LRPPRC: variants seen among roughly 807,000 people sequenced by gnomAD.
LRPPRC encodes the protein leucine-rich PPR motif-containing protein, mitochondrial.
In LRPPRC, 120 loss-of-function variants were observed where a neutral mutation model predicts 180.3. That is an observed-to-expected ratio of 0.67 (90% confidence interval 0.57 to 0.77). The LOEUF (loss-of-function observed/expected upper bound fraction) is 0.77, where lower values mean the gene tolerates loss of function less well. Among genes scored for constraint, LRPPRC ranks in the 30% least tolerant of loss-of-function variants. The pLI is 0.00. For missense variants in LRPPRC, 2,012 were observed against 1,657.2 expected (o/e 1.21, Z -3.72); for synonymous variants, 723 against 600.0 (o/e 1.21, Z -3.00).
Position 43,974,284 on chromosome 2 carries a change from G to C in LRPPRC, c.1021C>G (p.Leu341Val), listed in dbSNP as rs558058826. Residue 341 changes from leucine to valine, a missense_variant, in exon 9 of 38, where the codon CTC (leucine) becomes GTC (valine). Coordinates refer to ENST00000260665, the MANE Select transcript of LRPPRC (RefSeq NM_133259.4). Reference protein sequence around the residue: ...ERRYIPDAMNLILLLVTEKLE... With the variant: ...ERRYIPDAMNVILLLVTEKLE... ...TTTTCAGTGACTAAAAGTAAAATGA[G>C]GTTCATTGCATCTGGGAAGAAAACA... is the stretch of plus-strand genomic sequence containing the variant. 7.4e-6 allele frequency: 12 copies of C among 1,611,030 alleles called. No homozygotes were observed. The South Asian group carries it at 1.1e-4, about 15-fold the overall frequency.
chr2:43,990,734 T>C (rs1674737256), intron 1 of LRPPRC, among the ~76,000 whole-genome samples: 1 of 152,186 alleles, frequency 6.6e-6, no homozygotes, highest in South Asian at 2.1e-4. Flanking sequence ...GGACAGCACG[T>C]CTAATAGTTG....
chr2:43,959,126 T>A (rs1673234755), intron 13 of LRPPRC: 1 of 687,240 alleles, frequency 1.5e-6, no homozygotes, highest in Non-Finnish European at 2.7e-6. Flanking sequence ...ATGGATGATA[T>A]GATAAAAGGA....
intron 3 of LRPPRC, among the ~76,000 whole-genome samples, chr2:43,978,664 T>C (rs1290865642): frequency 3.3e-5 from 5 of 152,082 alleles, no homozygotes; most frequent in Admixed American, 2.6e-4. Context: ...TTTATCTATA[T>C]AGTTTTTAAC....
At chr2:43,896,530 T>TAA in intron 35 of LRPPRC, 104 bp downstream of exon 35, 1 of 741,886 alleles carries the variant, frequency 1.3e-6, no homozygotes, top group Non-Finnish European at 2.3e-6. Context: ...CTCTATAGTA[T>TAA]TCTCAAATAA....
rs373157752 is a variant in LRPPRC at position 43,976,165 on chromosome 2, C to A, written c.715G>T (p.Val239Leu). The A allele has an allele frequency of 3.1e-6, 5 of 1,609,640 alleles. No homozygotes were observed. The highest frequency in any genetic ancestry group is 1.3e-5 in the African/African-American group (1 of 74,852). The change falls in exon 6 of 38, where the codon GTG (valine) becomes TTG (leucine). Residue 239 changes from valine to leucine, a missense_variant. Coordinates refer to ENST00000260665, the MANE Select transcript of LRPPRC (RefSeq NM_133259.4). ...TACCCAGCTCTGGCATGCCCTGTCACAAGGGCACTGAATACTGCCTCTGTA... is the reference window on the plus strand; with the variant it reads ...TACCCAGCTCTGGCATGCCCTGTCAAAAGGGCACTGAATACTGCCTCTGTA... The part of the protein sequence containing the change: ...PVTEAVFSAL[V>L]TGHARAGDME...
chr2:43,936,381 A>T (rs920143006), intron 23 of LRPPRC, among the ~76,000 whole-genome samples: 11 of 152,250 alleles, frequency 7.2e-5, no homozygotes, highest in Admixed American at 2.6e-4. Flanking sequence ...AAAAGAGAGT[A>T]TGAAAGGTAT....
chr2:43,897,802 T>G (rs894132722), intron 34 of LRPPRC, among the ~76,000 whole-genome samples: 2 of 152,078 alleles, frequency 1.3e-5, no homozygotes, highest in Non-Finnish European at 2.9e-5. Context: ...AAAACCTTGA[T>G]TATGGCAGAG....
chr2:43,980,466 C>A (rs1012100502), intron 2 of LRPPRC, among the ~76,000 whole-genome samples: 31 of 150,214 alleles, frequency 2.1e-4, no homozygotes, highest in African/African-American at 7.6e-4. Flanking sequence ...GGCAGGAGAA[C>A]TGCTTGAACC....
intron 1 of LRPPRC, 76 bp from the exon 2 acceptor site, chr2:43,982,510 T>C: frequency 8.8e-7 from 1 of 1,130,484 alleles, no homozygotes; most frequent in Non-Finnish European, 1.3e-6. Context: ...CTTAAACAAA[T>C]TTTAAAATTA....
chr2:43,915,937 T>C (rs1348585827), intron 29 of LRPPRC, among the ~76,000 whole-genome samples: 18 of 152,066 alleles, frequency 1.2e-4, no homozygotes, highest in Non-Finnish European at 5.9e-5. Context: ...GGCTAATTTG[T>C]GTATTTTCTG....
At chr2:43,934,331 G>GAAA in intron 24 of LRPPRC, 35 bp from the exon 25 acceptor site, 1 of 982,784 alleles carries the variant, frequency 1.0e-6, no homozygotes. Flanking sequence ...TATATTAGGA[G>GAAA]AAAAAAAAAC....
chr2:43,911,519 T>A (rs1332572118), intron 30 of LRPPRC, among the ~76,000 whole-genome samples: 4 of 127,840 alleles, frequency 3.1e-5, no homozygotes, highest in Non-Finnish European at 6.4e-5. Flanking sequence ...TTCTTCTTCT[T>A]CTTCTTTTTT....
At chr2:43,904,707 C>CAAAAAAAAAAAAAA in intron 31 of LRPPRC, 1 of 81,026 alleles carries the variant, frequency 1.2e-5, no homozygotes. Context: ...AAAACAAAAA[C>CAAAAAAAAAAAAAA]AAAAAAAAAA....
intron 12 of LRPPRC, among the ~76,000 whole-genome samples, chr2:43,962,168 G>C (rs1182334330): frequency 6.6e-6 from 1 of 152,096 alleles, no homozygotes; most frequent in Non-Finnish European, 1.5e-5. Context: ...TAGTGAGAAA[G>C]CCAAAGCAGT....
chr2:43,933,664 T>G (rs1672169695), intron 25 of LRPPRC, among the ~76,000 whole-genome samples: 1 of 152,158 alleles, frequency 6.6e-6, no homozygotes, highest in Non-Finnish European at 1.5e-5. Flanking sequence ...AGGCCAGGTT[T>G]GTCACCTACC....
At position 43,932,941 on chromosome 2, in the gene LRPPRC, C is replaced by T. The variant is rs186619516; in HGVS notation, c.2736+1249G>A. Among the ~76,000 whole-genome samples, 295 of 152,280 alleles carry T rather than the reference C, an allele frequency of 1.9e-3. 2 individuals carry two copies. Among genetic ancestry groups the T allele is most frequent in the African/African-American group, 7.0e-3 (290 of 41,576 alleles). On this transcript the variant is annotated intron_variant, in intron 25 of 37. Coordinates refer to ENST00000260665, the MANE Select transcript of LRPPRC (RefSeq NM_133259.4). ...ACCTCTCAGAGCTGAGCTTCATTTC[C>T]GCTCTGATCAGTGACCTGCTAATAC...
intron 31 of LRPPRC, chr2:43,904,488 T>C (rs906795778): frequency 1.1e-4 from 16 of 148,618 alleles, no homozygotes; most frequent in African/African-American, 3.5e-4. Context: ...AGGCCAGGAG[T>C]TCGAGACCAG....
chr2:43,981,618 C>A (rs1419967540), intron 2 of LRPPRC, among the ~76,000 whole-genome samples: 1 of 151,868 alleles, frequency 6.6e-6, no homozygotes, highest in Non-Finnish European at 1.5e-5. Context: ...GATCGTACCA[C>A]TGCACTCCAG....
intron 30 of LRPPRC, 57 bp from the exon 31 acceptor site, chr2:43,905,837 A>C: frequency 9.3e-7 from 1 of 1,077,608 alleles, no homozygotes; most frequent in Non-Finnish European, 1.4e-6. Context: ...TACGATAATA[A>C]ATGGTTGAGC....
Sources: gnomAD v4.1 joint callset for allele counts (sites outside exome capture counted in the v4.1 genomes callset) on GRCh38, gnomAD v4.1.1 for gene constraint, MANE v1.5 for transcripts, NCBI Gene and HGNC (gene_info 2026-07-23, HGNC 2026-07-21) for gene names.